The following SLC16A4 variants were observed in gnomAD, a reference collection of about 807,000 sequenced individuals.
SLC16A4 encodes solute carrier family 16 member 4, also known as probable monocarboxylate transporter 5.
A neutral mutation model predicts 47.9 loss-of-function variants in SLC16A4; 39 were observed. The ratio of observed to expected loss-of-function variants is 0.81; its 90% CI spans 0.63 to 1.06. SLC16A4 has a LOEUF of 1.06. Among genes scored for constraint, SLC16A4 ranks in the 50% least tolerant of loss-of-function variants. The pLI is 0.00. For missense variants in SLC16A4, 524 were observed against 573.8 expected, an observed-to-expected ratio of 0.91 and a Z score of 0.89; for synonymous variants, 189 against 199.9, an observed-to-expected ratio of 0.95 and a Z score of 0.46.
At chr1:110,381,548 T>A in intron 4 of SLC16A4, 104 bp downstream of exon 4, 1 of 1,147,300 alleles carries the variant, frequency 8.7e-7, no homozygotes, top group Non-Finnish European at 1.2e-6. Flanking sequence ...GGTCTCGAAC[T>A]GGACTCAAGC....
At chr1:110,371,867 C>CGTAA (rs1661704322) in intron 8 of SLC16A4, 1 of 152,170 alleles carries the variant, frequency 6.6e-6, no homozygotes, top group African/African-American at 2.4e-5. Flanking sequence ...AGGGCATTGT[C>CGTAA]TTACAGAGGA....
In SLC16A4 at chr1:110,385,791, C is replaced by T. The variant is rs6684293; in HGVS notation, c.88-2825G>A. Among the ~76,000 whole-genome samples the T allele has an allele frequency of 5.6e-3, 848 of 152,248 alleles. 7 individuals carry two copies. Among genetic ancestry groups the T allele is most frequent in the African/African-American group, 0.018 (741 of 41,542 alleles). ...TATTTAGAATGAAGAGTGCTATAAA[C>T]GCCAGGACTATATATTCAAAAGTTA... On this transcript the variant is annotated intron_variant, in intron 2 of 8. Coordinates refer to ENST00000369779, the MANE Select transcript of SLC16A4 (RefSeq NM_004696.3).
chr1:110,376,450 C>G (rs556787822), intron 7 of SLC16A4, among the ~76,000 whole-genome samples: 1 of 152,302 alleles, frequency 6.6e-6, no homozygotes, highest in Non-Finnish European at 1.5e-5. Flanking sequence ...TTGGTTCCAT[C>G]TGGGTCGAGG....
In SLC16A4 at chr1:110,363,712, ATTAGT is replaced by A. The variant is rs1219418332; in HGVS notation, c.*49_*53del. Reference sequence around the variant, plus strand: ...CTTTCAAGCTTTTGTTTCCAATGACATTAGTTTAGGTTTTCTTTTGTTTAGCTCTC... The same window carrying A: ...CTTTCAAGCTTTTGTTTCCAATGACATTAGGTTTTCTTTTGTTTAGCTCTC... On this transcript the variant is annotated 3_prime_UTR_variant, in exon 9 of 9. Transcript: ENST00000369779. The A allele has an allele frequency of 6.7e-6, 10 of 1,498,744 alleles. 1 individual carries two copies. Among genetic ancestry groups the A allele is most frequent in the South Asian group, 2.8e-5 (2 of 72,474 alleles). The allele number at this position is 1,498,744 out of a possible 1,614,324, so 92.8% of individuals were successfully genotyped here. A position where few individuals can be genotyped will look rare whatever the true frequency, so the allele number is the denominator to read the frequency against.
chr1:110,365,635 T>G (rs937061965), intron 8 of SLC16A4, among the ~76,000 whole-genome samples: 7 of 152,186 alleles, frequency 4.6e-5, no homozygotes, highest in African/African-American at 1.7e-4. Context: ...GTGACTAGTC[T>G]CTGAACTCTT....
In SLC16A4 at chr1:110,381,647, C is replaced by T; in HGVS notation, c.364+5G>A. The T allele has an allele frequency of 6.2e-7, 1 of 1,609,470 alleles. No homozygotes were observed. The highest frequency in any genetic ancestry group is 1.1e-5 in the South Asian group (1 of 90,182). On this transcript the variant is annotated splice_donor_5th_base_variant and intron_variant, in intron 4 of 8. Transcript: ENST00000369779. ...TCTATGGTCACATAATTACAATGGA[C>T]TCACCGGGTAGAAGTCCCATAGTCA...
chr1:110,378,397 A>G (rs988728930), intron 6 of SLC16A4, among the ~76,000 whole-genome samples: 1 of 152,212 alleles, frequency 6.6e-6, no homozygotes, highest in Admixed American at 6.5e-5. Flanking sequence ...GGCACCATGA[A>G]GCAAAGTAAC....
At chr1:110,376,079 G>A (rs1557906321) in intron 7 of SLC16A4, among the ~76,000 whole-genome samples, 1 of 151,974 alleles carries the variant, frequency 6.6e-6, no homozygotes, top group African/African-American at 2.4e-5. Context: ...GTTTCACCAT[G>A]TTGCCCAGGC....
intron 8 of SLC16A4, chr1:110,371,491 G>A (rs1251237781): frequency 3.9e-5 from 6 of 152,186 alleles, no homozygotes; most frequent in Non-Finnish European, 8.8e-5. Flanking sequence ...AGATATACTT[G>A]CTTTTCTGCC....
At chr1:110,383,677 C>T (rs1662556109) in intron 2 of SLC16A4, among the ~76,000 whole-genome samples, 1 of 151,794 alleles carries the variant, frequency 6.6e-6, no homozygotes, top group Non-Finnish European at 1.5e-5. Context: ...TTGTGGCCTC[C>T]AGCTGTATGA....
At chr1:110,389,499 TGAAA>T (rs766645168) in intron 1 of SLC16A4, 144 bp from the exon 2 acceptor site, 42 of 601,068 alleles carry the variant, frequency 7.0e-5, no homozygotes, top group Non-Finnish European at 1.2e-4. Flanking sequence ...TGGAGATTTC[TGAAA>T]GAACCAAAAA....
At chr1:110,374,213 G>A (rs927273131) in intron 8 of SLC16A4, among the ~76,000 whole-genome samples, 1 of 151,782 alleles carries the variant, frequency 6.6e-6, no homozygotes, top group Non-Finnish European at 1.5e-5. Flanking sequence ...GCTAATTTTT[G>A]TATTTTTAGT....
At chr1:110,368,595 A>G (rs1661520576) in intron 8 of SLC16A4, among the ~76,000 whole-genome samples, 1 of 152,218 alleles carries the variant, frequency 6.6e-6, no homozygotes, top group Non-Finnish European at 1.5e-5. Flanking sequence ...TGAAGTTACT[A>G]GTCCAGACTC....
At position 110,386,834 on chromosome 1, in the gene SLC16A4, C is replaced by G. The variant is rs143249964; in HGVS notation, c.87+2403G>C. ...CACTTTCTGTCATTCTGCTACTCCA[C>G]TGAAAACTAAAGTTCACTAACTTTG... On this transcript the variant is annotated intron_variant, in intron 2 of 8. Transcript: ENST00000369779. 2.6e-4 allele frequency among the ~76,000 whole-genome samples: 40 copies of G among 152,322 alleles called. 1 individual carries two copies. The East Asian group carries it at 7.7e-3, about 29-fold the overall frequency.
intron 2 of SLC16A4, 32 bp downstream of exon 2, chr1:110,389,205 A>G (rs971346033): frequency 6.4e-7 from 1 of 1,552,760 alleles, no homozygotes; most frequent in East Asian, 2.2e-5. Flanking sequence ...GCTTTTAGGC[A>G]ATAGGAAAGG....
chr1:110,378,794 G>T, intron 6 of SLC16A4, 59 bp downstream of exon 6: 2 of 1,518,086 alleles, frequency 1.3e-6, no homozygotes, highest in Non-Finnish European at 8.8e-7. Flanking sequence ...AATGTAATAA[G>T]CTTGTAAAAT....
chr1:110,368,336 A>G (rs887610178), intron 8 of SLC16A4, among the ~76,000 whole-genome samples: 8 of 152,212 alleles, frequency 5.3e-5, no homozygotes, highest in African/African-American at 1.7e-4. Context: ...TGTTCACTCT[A>G]TGCCTGGTAT....
At chr1:110,371,954 T>G (rs1661710046) in intron 8 of SLC16A4, 1 of 152,154 alleles carries the variant, frequency 6.6e-6, no homozygotes, top group Non-Finnish European at 1.5e-5. Context: ...AAGAATTTTG[T>G]TGCTTTCTTA....
At chr1:110,377,203 G>C in intron 6 of SLC16A4, 42 bp from the exon 7 acceptor site, 1 of 1,500,438 alleles carries the variant, frequency 6.7e-7, no homozygotes. Context: ...TGGTCCCTTT[G>C]AAAAATGTGA....
Sources: gnomAD v4.1 joint callset for allele counts (sites outside exome capture counted in the v4.1 genomes callset) on GRCh38, gnomAD v4.1.1 for gene constraint, MANE v1.5 for transcripts, NCBI Gene and HGNC (gene_info 2026-07-23, HGNC 2026-07-21) for gene names.